The following DIP2A variants were observed in gnomAD, a reference collection of about 807,000 sequenced individuals.
DIP2A encodes the protein DIP2 acetate--CoA ligase A.
In DIP2A, 85 loss-of-function variants were observed where a neutral mutation model predicts 177.4. The observed-to-expected ratio is 0.48, with a 90% CI of 0.40 to 0.57. The LOEUF (loss-of-function observed/expected upper bound fraction) is 0.57, where lower values mean the gene tolerates loss of function less well. DIP2A is among the 20% of genes least tolerant of loss of function. DIP2A has a pLI of 0.00. For missense variants in DIP2A, 1,791 were observed against 2,100.2 expected (o/e 0.85, Z 2.88); for synonymous variants, 886 against 881.8 (o/e 1.00, Z -0.08).
In DIP2A at chr21:46,539,939, G is replaced by A. The variant is rs1254917125; in HGVS notation, c.1984G>A (p.Val662Ile). Residue 662 changes from valine to isoleucine, a missense_variant, in exon 17 of 38, where the codon GTC (valine) becomes ATC (isoleucine). By Grantham distance (29) the Val-to-Ile change is conservative. Coordinates refer to ENST00000417564, the MANE Select transcript of DIP2A (RefSeq NM_015151.4). ...VFQSRGLRPE[V>I]ICPCASSPEA... ...CCAGTCCAGAGGTCTGAGGCCAGAG[G>A]TCATCTGTCCTTGTGCAAGTTCTCC... 1.9e-6 allele frequency: 3 copies of A among 1,613,926 alleles called. No individual in the cohort carries two copies. The highest frequency in any genetic ancestry group is 1.7e-6 in the Non-Finnish European group (2 of 1,179,906).
intron 1 of DIP2A, among the ~76,000 whole-genome samples, chr21:46,478,710 G>A (rs1187359358): frequency 1.3e-5 from 2 of 149,746 alleles, no homozygotes; most frequent in East Asian, 3.9e-4. Flanking sequence ...ATTTATTCCT[G>A]GATTTGAGAT....
At chr21:46,547,170 A>G in intron 21 of DIP2A, 128 bp downstream of exon 21, 2 of 1,450,686 alleles carry the variant, frequency 1.4e-6, no homozygotes, top group Non-Finnish European at 1.8e-6. Flanking sequence ...GTACATCAGA[A>G]AACTCCTAAA....
chr21:46,491,447 C>CT (rs1185230403), intron 3 of DIP2A, among the ~76,000 whole-genome samples: 2 of 152,088 alleles, frequency 1.3e-5, no homozygotes, highest in African/African-American at 2.4e-5. Flanking sequence ...AAGAAATAGT[C>CT]TAAGAAATAT....
At chr21:46,464,026 A>G (rs923644037) in intron 1 of DIP2A, among the ~76,000 whole-genome samples, 3 of 151,682 alleles carry the variant, frequency 2.0e-5, no homozygotes, top group Admixed American at 1.3e-4. Context: ...TTAATTTTCA[A>G]AATGACAGCC....
downstream of DIP2A, among the ~76,000 whole-genome samples, chr21:46,573,214 A>C (rs11700576): frequency 0.067 from 10,248 of 152,192 alleles, 376 homozygotes; most frequent in East Asian, 0.1. Context: ...TGACAGAAGT[A>C]AGTCTCTCCT....
At chr21:46,483,399 G>A (rs1340865898) in intron 1 of DIP2A, among the ~76,000 whole-genome samples, 2 of 151,458 alleles carry the variant, frequency 1.3e-5, no homozygotes, top group Admixed American at 1.3e-4. Context: ...TAAATAAATG[G>A]AAGGACAGGC....
chr21:46,532,488 G>C (rs1027571664), intron 10 of DIP2A, among the ~76,000 whole-genome samples: 4 of 152,124 alleles, frequency 2.6e-5, no homozygotes, highest in Admixed American at 2.6e-4. Flanking sequence ...ACTCTTATTA[G>C]GTGGAGCTGT....
chr21:46,470,929 G>GAAA (rs61607316), intron 1 of DIP2A, among the ~76,000 whole-genome samples: 2 of 82,896 alleles, frequency 2.4e-5, no homozygotes, highest in East Asian at 1.1e-3. Context: ...TTCTGTTTCA[G>GAAA]AAAAAAAAAA....
intron 8 of DIP2A, among the ~76,000 whole-genome samples, chr21:46,514,387 G>A (rs1601609783): frequency 2.0e-5 from 3 of 150,618 alleles, no homozygotes; most frequent in Admixed American, 2.0e-4. Flanking sequence ...AGTGAGCTGA[G>A]ATCGCACCAC....
intron 16 of DIP2A, 113 bp from the exon 17 acceptor site, chr21:46,539,764 C>A (rs746850111): frequency 1.2e-6 from 1 of 855,422 alleles, no homozygotes; most frequent in South Asian, 1.3e-5. Flanking sequence ...TCTGCTGATG[C>A]AGCCCTGTGG....
chr21:46,506,772 CT>C (rs777889428), intron 6 of DIP2A, among the ~76,000 whole-genome samples: 2,669 of 59,916 alleles, frequency 0.045, 47 homozygotes, highest in Non-Finnish European at 0.075. Flanking sequence ...TTCTTTCTTT[CT>C]TTTCTTTTCT....
At position 46,546,158 on chromosome 21, in the gene DIP2A, C is replaced by T; in HGVS notation, c.2394+197C>T. On this transcript the variant is annotated intron_variant, in intron 20 of 37. Coordinates refer to ENST00000417564, the MANE Select transcript of DIP2A (RefSeq NM_015151.4). ...CACACCTCCGAGACTGGTGCACAGT[C>T]CTGCACACAGGCCTGAGTCGGGGGT... The T allele has an allele frequency of 7.2e-6, 10 of 1,397,506 alleles. No homozygotes were observed. The South Asian group carries it at 1.5e-4, about 21-fold the overall frequency. 86.6% of individuals were successfully genotyped at this position (1,397,506 alleles called of 1,614,324 possible).
At chr21:46,467,815 TA>T (rs773523002) in intron 1 of DIP2A, among the ~76,000 whole-genome samples, 11 of 152,056 alleles carry the variant, frequency 7.2e-5, no homozygotes, top group Non-Finnish European at 1.6e-4. Flanking sequence ...TAAGTTTCTT[TA>T]AAAATATCAA....
At chr21:46,500,104 T>C (rs530618890) in intron 5 of DIP2A, among the ~76,000 whole-genome samples, 3 of 152,324 alleles carry the variant, frequency 2.0e-5, no homozygotes, top group South Asian at 4.1e-4. Flanking sequence ...TCCTCTGTAG[T>C]GTGCATCACT....
intron 8 of DIP2A, 107 bp downstream of exon 8, chr21:46,511,721 C>G: frequency 1.7e-6 from 2 of 1,192,014 alleles, no homozygotes; most frequent in Non-Finnish European, 2.3e-6. Flanking sequence ...GAAACCAGCA[C>G]AGCTGGCAGA....
chr21:46,484,803 T>C lies in DIP2A; in HGVS notation c.138T>C (p.Leu46=). 6.3e-7 allele frequency: 1 copy of C among 1,586,980 alleles called. No homozygotes were observed. The highest frequency in any genetic ancestry group is 8.6e-7 in the Non-Finnish European group (1 of 1,165,996). The part of the protein sequence containing the change: ...KGYEKKRAKL[L]ARYIPLIQGI... ...ATGAAAAGAAAAGGGCAAAGCTGCT[T>C]GCACGTTATATACCGCTTATTCAAG... The change falls in exon 2 of 38, where the codon CTT becomes CTC. Residue 46 remains leucine (L), a synonymous_variant. Transcript: ENST00000417564.
intron 8 of DIP2A, among the ~76,000 whole-genome samples, chr21:46,523,393 A>ATTTTTTTTATT (rs2058917838): frequency 1.1e-5 from 1 of 89,914 alleles, no homozygotes; most frequent in Non-Finnish European, 2.0e-5. Flanking sequence ...CGCCTGGCTA[A>ATTTTTTTTATT]TTTTTTTTTT....
In DIP2A at chr21:46,464,817, C is replaced by CTTTTTTTTTTTTTTTTTTTTTTTTTT. The variant is rs1168153777; in HGVS notation, c.91+5597_91+5622dup. On this transcript the variant is annotated intron_variant, in intron 1 of 37. Coordinates refer to ENST00000417564, the MANE Select transcript of DIP2A (RefSeq NM_015151.4). Reference sequence around the variant, plus strand: ...TCTTCCTTTTTCTTAATATTCATGTCTTTTTTTTTTTTTTTTTTTTTTTTT... The same window carrying CTTTTTTTTTTTTTTTTTTTTTTTTTT: ...TCTTCCTTTTTCTTAATATTCATGTCTTTTTTTTTTTTTTTTTTTTTTTTTTTTTTTTTTTTTTTTTTTTTTTTTTT... Among the ~76,000 whole-genome samples, 20 of 73,438 alleles carry CTTTTTTTTTTTTTTTTTTTTTTTTTT rather than the reference C, an allele frequency of 2.7e-4. 2 individuals are homozygous for CTTTTTTTTTTTTTTTTTTTTTTTTTT. Among genetic ancestry groups the CTTTTTTTTTTTTTTTTTTTTTTTTTT allele is most frequent in the Non-Finnish European group, 4.0e-4 (16 of 40,368 alleles). 48.2% of individuals were successfully genotyped at this position (73,438 alleles called of 152,430 possible).
chr21:46,484,827 A>C lies in DIP2A; in HGVS notation c.162A>C (p.Gln54His). 6.3e-7 allele frequency: 1 copy of C among 1,577,624 alleles called. No individual in the cohort carries two copies. The highest frequency in any genetic ancestry group is 8.6e-7 in the Non-Finnish European group (1 of 1,162,046). Residue 54 changes from glutamine to histidine, a missense_variant and splice_region_variant, in exon 2 of 38, where the codon CAA (glutamine) becomes CAC (histidine). Gln to His is a conservative substitution (Grantham distance 24, BLOSUM62 0). Coordinates refer to ENST00000417564, the MANE Select transcript of DIP2A (RefSeq NM_015151.4). ...KLLARYIPLI[Q>H]GIDPSLQAEN... ...TTGCACGTTATATACCGCTTATTCA[A>C]GGTAAGGTCAATACACTCAGGTGTT...
Sources: allele counts gnomAD v4.1 joint callset (sites outside exome capture counted in the v4.1 genomes callset), GRCh38; gene constraint gnomAD v4.1.1; transcripts MANE v1.5; gene names NCBI Gene and HGNC (gene_info 2026-07-23, HGNC 2026-07-21).